PCDHB1: variants seen among roughly 807,000 people sequenced by gnomAD.
PCDHB1 encodes protocadherin beta 1.
A neutral mutation model predicts 43.5 loss-of-function variants in PCDHB1; 44 were observed. The ratio of observed to expected loss-of-function variants is 1.01; its 90% CI spans 0.79 to 1.30. The LOEUF (loss-of-function observed/expected upper bound fraction) is 1.30, where lower values mean the gene tolerates loss of function less well. Among genes scored for constraint, PCDHB1 ranks in the 50% most tolerant of loss-of-function variants. The pLI is 0.00. For synonymous variants in PCDHB1, 392 were observed against 400.8 expected (o/e 0.98, Z 0.26); for missense variants, 919 against 1,008.9 (o/e 0.91, Z 1.21).
rs928320588 is a variant in PCDHB1 at position 141,058,595 on chromosome 5, G to A, written c.*4668G>A. 2.0e-5 allele frequency: 3 copies of A among 152,000 alleles called. No homozygotes were observed. The highest frequency in any genetic ancestry group is 2.9e-5 in the Non-Finnish European group (2 of 67,970). 9.4% of individuals were successfully genotyped at this position (152,000 alleles called of 1,614,324 possible). The stretch of plus-strand genomic sequence containing the variant: ...AAGGTGATGTTAATTTTGATCGCTT[G>A]GTTAACATAATGTCTGCCACGTTTC... On this transcript the variant is annotated 3_prime_UTR_variant, in exon 1 of 1. Coordinates refer to ENST00000306549, the MANE Select transcript of PCDHB1 (RefSeq NM_013340.4).
chr5:141,053,537 A>G lies in PCDHB1; in HGVS notation c.2067A>G (p.Lys689=), dbSNP rs782344495. Residue 689 remains lysine (K), a synonymous_variant, in exon 1 of 1, where the codon AAA becomes AAG. Coordinates refer to ENST00000306549, the MANE Select transcript of PCDHB1 (RefSeq NM_013340.4). ...CTAGAAAGGTAAATCCATCCACTAA[A>G]TATTTGGTCATTTCTCTGGTCATCC... The part of the protein sequence containing the change: ...KHSRKVNPST[K]YLVISLVILS... The G allele has an allele frequency of 3.1e-6, 5 of 1,613,956 alleles. No homozygotes were observed. The African/African-American group carries it at 4.0e-5, about 13-fold the overall frequency.
chr5:141,052,120 G>A lies in PCDHB1; in HGVS notation c.650G>A (p.Gly217Asp). 1 of 1,612,358 alleles carries A rather than the reference G, an allele frequency of 6.2e-7. No homozygotes were observed. Among genetic ancestry groups the A allele is most frequent in the Non-Finnish European group, 8.5e-7 (1 of 1,179,316 alleles). Residue 217 changes from glycine to aspartate, a missense_variant, in exon 1 of 1, where the codon GGC (glycine) becomes GAC (aspartate). Gly to Asp is a moderately conservative substitution (Grantham distance 94). Transcript: ENST00000306549. ...EVNLTITAVD[G>D]GSPPKSGTAH... ...AACTTGACAATTACGGCGGTGGACG[G>A]CGGGTCCCCGCCTAAGTCTGGCACA...
chr5:141,056,711 C>A lies in PCDHB1; in HGVS notation c.*2784C>A, dbSNP rs1751139962. 6.6e-6 allele frequency: 1 copy of A among 152,208 alleles called. No homozygotes were observed. Among genetic ancestry groups the A allele is most frequent in the South Asian group, 2.1e-4 (1 of 4,828 alleles). The allele number at this position is 152,208 out of a possible 1,614,324, so 9.4% of individuals were successfully genotyped here. A position where few individuals can be genotyped will look rare whatever the true frequency, so the allele number is the denominator to read the frequency against. Reference sequence around the variant, plus strand: ...ACTCCGTCTCCTGGGTTCAAGTGATCTTCCTGCCTCAGCCTCCTGAGTAGC... The same window carrying A: ...ACTCCGTCTCCTGGGTTCAAGTGATATTCCTGCCTCAGCCTCCTGAGTAGC... On this transcript the variant is annotated 3_prime_UTR_variant, in exon 1 of 1. Coordinates refer to ENST00000306549, the MANE Select transcript of PCDHB1 (RefSeq NM_013340.4).
At position 141,052,337 on chromosome 5, in the gene PCDHB1, C is replaced by G; in HGVS notation, c.867C>G (p.Leu289=). Residue 289 remains leucine, a synonymous_variant, in exon 1 of 1, where the codon CTC becomes CTG. Coordinates refer to ENST00000306549, the MANE Select transcript of PCDHB1 (RefSeq NM_013340.4). Reference sequence around the variant, plus strand: ...TAGCTCAAAACCCAGAAGCAATTCTCAAGACGTTTCAGATTGACCCTCAAA... The same window carrying G: ...TAGCTCAAAACCCAGAAGCAATTCTGAAGACGTTTCAGATTGACCCTCAAA... ...YSLAQNPEAI[L]KTFQIDPQNG... 1 of 1,614,244 alleles carries G rather than the reference C, an allele frequency of 6.2e-7. No homozygotes were observed. Among genetic ancestry groups the G allele is most frequent in the Non-Finnish European group, 8.5e-7 (1 of 1,180,050 alleles).
In PCDHB1 at chr5:141,057,820, CTG is replaced by C. The variant is rs1751166214; in HGVS notation, c.*3895_*3896del. The C allele has an allele frequency of 6.6e-6, 1 of 152,072 alleles. No individual in the cohort carries two copies. The highest frequency in any genetic ancestry group is 6.5e-5 in the Admixed American group (1 of 15,280). The allele number at this position is 152,072 out of a possible 1,614,324, so 9.4% of individuals were successfully genotyped here. A position where few individuals can be genotyped will look rare whatever the true frequency, so the allele number is the denominator to read the frequency against. The stretch of plus-strand genomic sequence containing the variant: ...AGGCCACTTGTTTTTGGAGAGAACT[CTG>C]TACACCAGCTGAGATTAAGTCCAGG... On this transcript the variant is annotated 3_prime_UTR_variant, in exon 1 of 1. Transcript: ENST00000306549.
Position 141,051,616 on chromosome 5 carries a change from C to T in PCDHB1, c.146C>T (p.Ala49Val), listed in dbSNP as rs782804447. 1 of 1,614,220 alleles carries T rather than the reference C, an allele frequency of 6.2e-7. No homozygotes were observed. Among genetic ancestry groups the T allele is most frequent in the East Asian group, 2.2e-5 (1 of 44,880 alleles). Reference protein sequence around the residue: ...MESGSFVANVAKDLGLEVGKL... With the variant: ...MESGSFVANVVKDLGLEVGKL... ...AGCGGCTCGTTTGTGGCCAACGTAG[C>T]TAAGGACCTAGGACTGGAGGTAGGG... Residue 49 changes from alanine (A) to valine (V), a missense_variant, in exon 1 of 1, where the codon GCT becomes GTT. Ala to Val is a moderately conservative substitution (Grantham distance 64, BLOSUM62 0). Coordinates refer to ENST00000306549, the MANE Select transcript of PCDHB1 (RefSeq NM_013340.4).
Position 141,052,594 on chromosome 5 carries a change from A to G in PCDHB1, c.1124A>G (p.Asp375Gly). ...GCCCTTTTCACTATCAGAGACCGGG[A>G]CATTCGAGTGGGAGGAAAAGTCACC... ...VVALFTIRDR[D>G]IRVGGKVTCF... Residue 375 changes from aspartate to glycine, a missense_variant, in exon 1 of 1, where the codon GAC becomes GGC. Transcript: ENST00000306549. 1 of 1,614,154 alleles carries G rather than the reference A, an allele frequency of 6.2e-7. No individual in the cohort carries two copies. The highest frequency in any genetic ancestry group is 8.5e-7 in the Non-Finnish European group (1 of 1,180,016).
In PCDHB1 at chr5:141,051,508, A is replaced by AAGTGGG; in HGVS notation, c.40_45dup (p.Val14_Gly15dup). On this transcript the variant is annotated inframe_insertion, in exon 1 of 1. Transcript: ENST00000306549. ...CGCAGAAAATCTTTGCAAAACAGGC[A>AAGTGGG]AGTGGGATCTCTTCTCATTTTTCTG... 1 of 1,614,216 alleles carries AAGTGGG rather than the reference A, an allele frequency of 6.2e-7. No individual in the cohort carries two copies. Among genetic ancestry groups the AAGTGGG allele is most frequent in the South Asian group, 1.1e-5 (1 of 91,084 alleles).
Position 141,053,129 on chromosome 5 carries a change from A to G in PCDHB1, c.1659A>G (p.Leu553=), listed in dbSNP as rs782466025. ...SSQVTVRVVV[L]DDNDNRPMIL... ...AAGTTACTGTCAGAGTGGTTGTCCT[A>G]GATGACAATGACAATCGTCCAATGA... Residue 553 remains leucine, a synonymous_variant, in exon 1 of 1, where the codon CTA becomes CTG. Transcript: ENST00000306549. 37 of 1,614,062 alleles carry G rather than the reference A, an allele frequency of 2.3e-5. No homozygotes were observed. The highest frequency in any genetic ancestry group is 3.1e-5 in the Non-Finnish European group (37 of 1,179,996).
Sources: allele counts gnomAD v4.1 joint callset, GRCh38; gene constraint gnomAD v4.1.1; transcripts MANE v1.5; gene names NCBI Gene and HGNC (gene_info 2026-07-23, HGNC 2026-07-21).